HECW1: variants seen among roughly 807,000 people sequenced by gnomAD.
The protein encoded by HECW1 is E3 ubiquitin-protein ligase HECW1.
In HECW1, 61 loss-of-function variants were observed where a neutral mutation model predicts 182.3. That is an observed-to-expected ratio of 0.33 (90% CI 0.27 to 0.41). The LOEUF is 0.41. Among genes scored for constraint, HECW1 ranks in the 10% least tolerant of loss-of-function variants. The pLI is 1.00. For missense variants in HECW1, 1,739 were observed against 2,108.9 expected, an observed-to-expected ratio of 0.82 and a Z score of 3.44; for synonymous variants, 859 against 832.6, an observed-to-expected ratio of 1.03 and a Z score of -0.55.
chr7:43,220,882 G>T (rs547615589), intron 2 of HECW1, among the ~76,000 whole-genome samples: 41 of 152,154 alleles, frequency 2.7e-4, no homozygotes, highest in African/African-American at 9.6e-4. Context: ...TTAAAAATGG[G>T]CAGGGCTGGG....
At chr7:43,433,530 C>T (rs997730532) in intron 8 of HECW1, among the ~76,000 whole-genome samples, 6 of 152,222 alleles carry the variant, frequency 3.9e-5, no homozygotes, top group African/African-American at 1.4e-4. Context: ...TGCGCTTAAA[C>T]AAAAGAAAGT....
At chr7:43,407,138 C>G (rs2075637565) in intron 7 of HECW1, among the ~76,000 whole-genome samples, 1 of 152,152 alleles carries the variant, frequency 6.6e-6, no homozygotes, top group Non-Finnish European at 1.5e-5. Context: ...TCTCAGAACT[C>G]TCCTCATTGA....
intron 2 of HECW1, chr7:43,207,788 G>T (rs1268706217): frequency 6.6e-6 from 1 of 152,154 alleles, no homozygotes; most frequent in Non-Finnish European, 1.5e-5. Context: ...TCACAGTTTG[G>T]CTTGTCATCT....
At chr7:43,552,906 C>T (rs888410416) in intron 28 of HECW1, among the ~76,000 whole-genome samples, 11 of 152,304 alleles carry the variant, frequency 7.2e-5, no homozygotes, top group South Asian at 2.1e-4. Context: ...CAGGTGACAT[C>T]GTCCTCATAT....
At chr7:43,506,034 AG>A (rs2152926903) in intron 21 of HECW1, among the ~76,000 whole-genome samples, 1 of 152,358 alleles carries the variant, frequency 6.6e-6, no homozygotes, top group South Asian at 2.1e-4. Flanking sequence ...TTAAATTAAA[AG>A]GTATATATAG....
At chr7:43,151,017 T>G (rs963393399) in intron 2 of HECW1, 1 of 155,028 alleles carries the variant, frequency 6.5e-6, no homozygotes, top group African/African-American at 2.4e-5. Context: ...AACTCCGGGC[T>G]TGCACAGCAA....
chr7:43,534,280 C>A (rs1341959794), intron 24 of HECW1, among the ~76,000 whole-genome samples: 1 of 152,118 alleles, frequency 6.6e-6, no homozygotes, highest in Non-Finnish European at 1.5e-5. Context: ...ATAAGAGATT[C>A]CTCTTGCAGA....
rs1341964276 is a variant in HECW1, at chr7:43,445,360, A to T, written c.2188A>T (p.Ser730Cys). The T allele has an allele frequency of 6.2e-7, 1 of 1,613,764 alleles. No individual in the cohort carries two copies. Among genetic ancestry groups the T allele is most frequent in the Non-Finnish European group, 8.5e-7 (1 of 1,180,026 alleles). The part of the protein sequence containing the change: ...SSVDSAKISE[S>C]TVFSSQDDEE... ...CGTGGACAGCGCCAAGATCTCCGAGAGCACGGTCTTCTCCTCGCAAGACGA... is the reference window on the plus strand; with the variant it reads ...CGTGGACAGCGCCAAGATCTCCGAGTGCACGGTCTTCTCCTCGCAAGACGA... The change falls in exon 11 of 30, where the codon AGC (serine) becomes TGC (cysteine). Residue 730 changes from serine (S) to cysteine (C), a missense_variant. Coordinates refer to ENST00000395891, the MANE Select transcript of HECW1 (RefSeq NM_015052.5).
At chr7:43,339,344 C>A (rs1226262121) in intron 5 of HECW1, among the ~76,000 whole-genome samples, 1 of 152,080 alleles carries the variant, frequency 6.6e-6, no homozygotes, top group African/African-American at 2.4e-5. Context: ...TTCAGTCGAC[C>A]TATCTCCCGG....
At chr7:43,286,520 T>C (rs1318676127) in intron 3 of HECW1, among the ~76,000 whole-genome samples, 1 of 152,164 alleles carries the variant, frequency 6.6e-6, no homozygotes, top group Non-Finnish European at 1.5e-5. Context: ...TTATAGTAAA[T>C]ATTTAAAGGA....
intron 11 of HECW1, among the ~76,000 whole-genome samples, chr7:43,447,837 A>G: frequency 6.6e-6 from 1 of 152,162 alleles, no homozygotes; most frequent in East Asian, 1.9e-4. Context: ...TAGAAACTGC[A>G]TTAGACGGCT....
chr7:43,318,678 A>G lies in HECW1; in HGVS notation c.353-1957A>G, dbSNP rs138618984. On this transcript the variant is annotated intron_variant, in intron 4 of 29. Coordinates refer to ENST00000395891, the MANE Select transcript of HECW1 (RefSeq NM_015052.5). ...GCAAGAGCTGGGCCCTTTGGCTTCA[A>G]GCTCAGTGCTTTTTGCACTTCATCT... Among the ~76,000 whole-genome samples the G allele has an allele frequency of 3.3e-3, 503 of 152,352 alleles. 3 individuals carry two copies. The highest frequency in any genetic ancestry group is 0.011 in the African/African-American group (466 of 41,582).
chr7:43,340,663 GAAGT>G (rs929898055), intron 5 of HECW1, among the ~76,000 whole-genome samples: 4 of 151,872 alleles, frequency 2.6e-5, no homozygotes, highest in African/African-American at 4.9e-5. Context: ...CCTGACACGT[GAAGT>G]AAGTATTTCC....
chr7:43,124,161 G>C (rs1204931364), intron 2 of HECW1, among the ~76,000 whole-genome samples: 1 of 152,150 alleles, frequency 6.6e-6, no homozygotes, highest in African/African-American at 2.4e-5. Flanking sequence ...TATTTTTATA[G>C]AAACATGAAA....
At chr7:43,203,553 T>C (rs1191934044) in intron 2 of HECW1, among the ~76,000 whole-genome samples, 1 of 152,174 alleles carries the variant, frequency 6.6e-6, no homozygotes, top group African/African-American at 2.4e-5. Flanking sequence ...CCAGTTCAAG[T>C]GATTCTCCTG....
rs1654110311 is a variant in HECW1, at chr7:43,427,229, G to A, written c.802-10774G>A. On this transcript the variant is annotated intron_variant, in intron 8 of 29. Coordinates refer to ENST00000395891, the MANE Select transcript of HECW1 (RefSeq NM_015052.5). ...TTTCCCCAACTATGATCAATATAAT[G>A]TCAGTCAACCATATACTACACACAC... Among the ~76,000 whole-genome samples, 2 of 152,094 alleles carry A rather than the reference G, an allele frequency of 1.3e-5. 1 individual carries two copies. The highest frequency in any genetic ancestry group is 4.8e-5 in the African/African-American group (2 of 41,412).
rs192599682 is a variant in HECW1 at position 43,231,877 on chromosome 7, C to G, written c.-31-11998C>G. Among the ~76,000 whole-genome samples the G allele has an allele frequency of 4.8e-3, 721 of 151,772 alleles. 4 individuals are homozygous for G. Among genetic ancestry groups the G allele is most frequent in the Middle Eastern group, 0.037 (11 of 294 alleles). On this transcript the variant is annotated intron_variant, in intron 2 of 29. Transcript: ENST00000395891. ...TAAAAAATACAAAAAAAAAAATTAG[C>G]CAGGCGTGGTGGCGGGCGCCTGTAG...
intron 2 of HECW1, among the ~76,000 whole-genome samples, chr7:43,156,284 T>C (rs1192704511): frequency 6.6e-6 from 1 of 152,212 alleles, no homozygotes; most frequent in Non-Finnish European, 1.5e-5. Flanking sequence ...CTGAGGTATC[T>C]GGGACAGAGC....
chr7:43,311,402 CG>C (rs1433223898), intron 3 of HECW1, among the ~76,000 whole-genome samples: 2 of 152,116 alleles, frequency 1.3e-5, no homozygotes, highest in Non-Finnish European at 2.9e-5. Context: ...ATCTAATTGA[CG>C]TTGGAGAACT....
Sources: allele counts gnomAD v4.1 joint callset (sites outside exome capture counted in the v4.1 genomes callset), GRCh38; gene constraint gnomAD v4.1.1; transcripts MANE v1.5; gene names NCBI Gene and HGNC (gene_info 2026-07-23, HGNC 2026-07-21).